AMD1: variants seen among roughly 807,000 people sequenced by gnomAD.
AMD1 encodes S-adenosylmethionine decarboxylase proenzyme.
A neutral mutation model predicts 40.2 loss-of-function variants in AMD1; 11 were observed. That is an observed-to-expected ratio of 0.27 (90% CI 0.17 to 0.45). AMD1 has a LOEUF of 0.45. Ranked by LOEUF, AMD1 falls within the 20% of genes least tolerant of loss-of-function variation. The pLI, the probability that AMD1 is intolerant of heterozygous loss-of-function variation, is 1.00. For synonymous variants in AMD1, 121 were observed against 130.8 expected (o/e 0.93, Z 0.51); for missense variants, 257 against 410.2 (o/e 0.63, Z 3.23).
At chr6:110,882,330 T>C (rs538732636) in intron 1 of AMD1, among the ~76,000 whole-genome samples, 1 of 152,304 alleles carries the variant, frequency 6.6e-6, no homozygotes, top group African/African-American at 2.4e-5. Context: ...CAGCAAACTT[T>C]CTGTAAAGGA....
chr6:110,815,106 C>A, the AMD1 span: 1 of 1,602,470 alleles, frequency 6.2e-7, no homozygotes, highest in Non-Finnish European at 8.5e-7. Context: ...TCCCGCTCCG[C>A]CGCCAGCTTC....
chr6:110,816,798 A>T, the AMD1 span, among the ~76,000 whole-genome samples: 4 of 152,130 alleles, frequency 2.6e-5, no homozygotes, highest in African/African-American at 9.7e-5. Context: ...TGTGTTGCCC[A>T]GGCTGGCGTC....
chr6:110,895,325 T>C lies in AMD1; in HGVS notation c.*1709T>C, dbSNP rs1266130123. On this transcript the variant is annotated 3_prime_UTR_variant, in exon 9 of 9. Transcript: ENST00000368885. ...TTTTCAATCAGTGTGATCAGTTTGA[T>C]TCTGTAATGAGCACAGCACCTAATA... is the stretch of plus-strand genomic sequence containing the variant. 6.6e-6 allele frequency: 1 copy of C among 152,232 alleles called. No homozygotes were observed. The highest frequency in any genetic ancestry group is 1.9e-4 in the East Asian group (1 of 5,200). 9.4% of individuals were successfully genotyped at this position (152,232 alleles called of 1,614,324 possible).
At chr6:110,824,556 T>C in the AMD1 span, among the ~76,000 whole-genome samples, 1 of 152,196 alleles carries the variant, frequency 6.6e-6, no homozygotes, top group Non-Finnish European at 1.5e-5. Flanking sequence ...GCCACTTGTA[T>C]CCTAAAAACT....
At chr6:110,870,986 T>A (rs1784909814), upstream of AMD1, among the ~76,000 whole-genome samples, 1 of 152,156 alleles carries the variant, frequency 6.6e-6, no homozygotes, top group South Asian at 2.1e-4. Flanking sequence ...TAAGCTAAGA[T>A]CTAAATGACA....
At chr6:110,831,078 C>A in the AMD1 span, among the ~76,000 whole-genome samples, 1 of 152,072 alleles carries the variant, frequency 6.6e-6, no homozygotes, top group Admixed American at 6.6e-5. Flanking sequence ...CTTTCTTTCT[C>A]TCCATGATCA....
chr6:110,846,254 A>G, the AMD1 span, among the ~76,000 whole-genome samples: 2 of 152,306 alleles, frequency 1.3e-5, no homozygotes, highest in East Asian at 3.9e-4. Context: ...CAACAACAAC[A>G]AAAACTGAAT....
the AMD1 span, among the ~76,000 whole-genome samples, chr6:110,859,630 G>A: frequency 6.6e-6 from 1 of 152,286 alleles, no homozygotes. Context: ...GAGTGCCCTG[G>A]GAAAGGGGGC....
At chr6:110,841,811 A>T in the AMD1 span, among the ~76,000 whole-genome samples, 2 of 150,628 alleles carry the variant, frequency 1.3e-5, no homozygotes, top group Non-Finnish European at 3.0e-5. Flanking sequence ...TTATTTATTT[A>T]TTTATTTTTT....
chr6:110,882,732 A>C (rs187217507), intron 1 of AMD1, among the ~76,000 whole-genome samples: 1 of 152,178 alleles, frequency 6.6e-6, no homozygotes, highest in Non-Finnish European at 1.5e-5. Flanking sequence ...TTCTTTTGAT[A>C]CTATGATTGA....
intron 1 of AMD1, among the ~76,000 whole-genome samples, chr6:110,886,338 G>A (rs1266213752): frequency 2.0e-5 from 3 of 151,644 alleles, no homozygotes; most frequent in Non-Finnish European, 1.5e-5. Flanking sequence ...TTACTCTATC[G>A]CCCAGCCTGG....
At chr6:110,854,072 C>T in the AMD1 span, among the ~76,000 whole-genome samples, 1 of 152,142 alleles carries the variant, frequency 6.6e-6, no homozygotes, top group Non-Finnish European at 1.5e-5. Context: ...TTTTCAAAGC[C>T]TGTAGATGGC....
At chr6:110,815,442 C>T in the AMD1 span, 3 of 247,750 alleles carry the variant, frequency 1.2e-5, no homozygotes, top group South Asian at 3.3e-4. Flanking sequence ...CGCGCCGTGG[C>T]TTCCTCGAGC....
At chr6:110,880,872 A>G (rs56996668) in intron 1 of AMD1, among the ~76,000 whole-genome samples, 5,314 of 152,120 alleles carry the variant, frequency 0.035, 354 homozygotes, top group East Asian at 0.33. Context: ...GGGTTTCGCT[A>G]TGTTGGTCAG....
At chr6:110,815,993 T>C in the AMD1 span, 1 of 152,268 alleles carries the variant, frequency 6.6e-6, no homozygotes, top group East Asian at 1.9e-4. Context: ...CTTTGGCTTC[T>C]TTCCCGCTCT....
the AMD1 span, among the ~76,000 whole-genome samples, chr6:110,820,597 T>C: frequency 6.6e-6 from 1 of 151,708 alleles, no homozygotes; most frequent in Non-Finnish European, 1.5e-5. Flanking sequence ...GGTTAGTAAA[T>C]GATTATCATT....
Position 110,892,723 on chromosome 6 carries a change from T to TC in AMD1, c.616-12_616-11insC, listed in dbSNP as rs768179600. On this transcript the variant is annotated splice_polypyrimidine_tract_variant and intron_variant, in intron 6 of 8. Transcript: ENST00000368885. Reference sequence around the variant, plus strand: ...CAAACCCTTGTTAAACTCGGTCTTTTTCCCCCCCCAGGAGAGTGGAATTCG... The same window carrying TC: ...CAAACCCTTGTTAAACTCGGTCTTTTCTCCCCCCCCAGGAGAGTGGAATTCG... 1.0e-3 allele frequency: 1,529 copies of TC among 1,504,156 alleles called. 3 individuals are homozygous for TC. In the African/African-American group the frequency reaches 0.02, roughly 20 times the overall value. 93.2% of individuals were successfully genotyped at this position (1,504,156 alleles called of 1,614,324 possible).
rs1395033004 is a variant in AMD1 at position 110,894,813 on chromosome 6, C to T, written c.*1197C>T. On this transcript the variant is annotated 3_prime_UTR_variant, in exon 9 of 9. Transcript: ENST00000368885. ...GTGACTGTGATGCATGTGAGTGTTC[C>T]GACTTCATCTGTTCCTCTTAACTAC... 3.9e-5 allele frequency: 6 copies of T among 152,062 alleles called. No homozygotes were observed. Among genetic ancestry groups the T allele is most frequent in the Non-Finnish European group, 7.4e-5 (5 of 68,020 alleles). 9.4% of individuals were successfully genotyped at this position (152,062 alleles called of 1,614,324 possible). A position where few individuals can be genotyped will look rare whatever the true frequency, so the allele number is the denominator to read the frequency against.
At chr6:110,847,388 G>A in the AMD1 span, among the ~76,000 whole-genome samples, 1 of 151,088 alleles carries the variant, frequency 6.6e-6, no homozygotes, top group Non-Finnish European at 1.5e-5. Context: ...AGCCGGGCAT[G>A]GTGGTGGGTG....
Sources: gnomAD v4.1 joint callset for allele counts (sites outside exome capture counted in the v4.1 genomes callset) on GRCh38, gnomAD v4.1.1 for gene constraint, MANE v1.5 for transcripts, NCBI Gene and HGNC (gene_info 2026-07-23, HGNC 2026-07-21) for gene names.